Variants in VPS29 observed in about 807,000 individuals in gnomAD.
VPS29 encodes the protein vacuolar protein sorting-associated protein 29.
Under a neutral mutation model 20.0 loss-of-function variants are expected in VPS29, and 2 were observed. The ratio of observed to expected loss-of-function variants is 0.10; its 90% CI spans 0.04 to 0.31. The LOEUF is 0.31. Ranked by LOEUF, VPS29 falls within the 10% of genes least tolerant of loss-of-function variation. VPS29 has a pLI of 1.00. For missense variants in VPS29, 120 were observed against 215.3 expected (o/e 0.56, Z 2.77); for synonymous variants, 81 against 79.3 (o/e 1.02, Z -0.12).
chr12:110,494,453 A>G (rs1030567375), intron 2 of VPS29, among the ~76,000 whole-genome samples: 1 of 151,498 alleles, frequency 6.6e-6, no homozygotes, highest in Non-Finnish European at 1.5e-5. Context: ...ACAGGGGTTC[A>G]CCGTGTTAGC....
chr12:110,499,459 TA>T, intron 1 of VPS29: 2 of 1,599,024 alleles, frequency 1.3e-6, no homozygotes, highest in South Asian at 1.1e-5. Flanking sequence ...CAACAGACCT[TA>T]AAAGGGTAAG....
chr12:110,497,681 A>C (rs975662503), intron 1 of VPS29, among the ~76,000 whole-genome samples: 11 of 151,614 alleles, frequency 7.3e-5, no homozygotes, highest in African/African-American at 2.7e-4. Flanking sequence ...ACTTGAGGTC[A>C]GGAGTTCGAG....
chr12:110,501,102 A>AT, intron 1 of VPS29, among the ~76,000 whole-genome samples: 1 of 152,222 alleles, frequency 6.6e-6, no homozygotes, highest in African/African-American at 2.4e-5. Context: ...CTGAGGCTTG[A>AT]ACCCGGGCGG....
intron 2 of VPS29, among the ~76,000 whole-genome samples, chr12:110,495,417 C>T (rs1413304081): frequency 6.6e-6 from 1 of 152,018 alleles, no homozygotes; most frequent in East Asian, 1.9e-4. Context: ...ATAATAAAAA[C>T]TTTATAAACT....
At position 110,491,795 on chromosome 12, in the gene VPS29, T is replaced by C. The variant is rs2062821000; in HGVS notation, c.*210A>G. ...TGACCAATTACTGTGTTGTGGACATTTTTTCATAGAATCCATATACTGTAA... is the reference window on the plus strand; with the variant it reads ...TGACCAATTACTGTGTTGTGGACATCTTTTCATAGAATCCATATACTGTAA... On this transcript the variant is annotated 3_prime_UTR_variant, in exon 4 of 4. Transcript: ENST00000549578. 2.1e-6 allele frequency: 1 copy of C among 467,296 alleles called. No individual in the cohort carries two copies. Among genetic ancestry groups the C allele is most frequent in the Non-Finnish European group, 3.8e-6 (1 of 266,232 alleles). 28.9% of individuals were successfully genotyped at this position (467,296 alleles called of 1,614,324 possible).
chr12:110,501,870 G>A (rs1417590386), intron 1 of VPS29, 179 bp downstream of exon 1: 3 of 1,451,516 alleles, frequency 2.1e-6, no homozygotes, highest in African/African-American at 2.8e-5. Context: ...CGCACCCAGA[G>A]GTGGCCGCTC....
chr12:110,497,963 A>G (rs2062935271), intron 1 of VPS29, among the ~76,000 whole-genome samples: 1 of 150,962 alleles, frequency 6.6e-6, no homozygotes, highest in Non-Finnish European at 1.5e-5. Context: ...AAAGGACAAC[A>G]GAATCGATTT....
intron 2 of VPS29, 91 bp from the exon 3 acceptor site, chr12:110,493,322 G>T: frequency 1.1e-6 from 1 of 911,692 alleles, no homozygotes; most frequent in South Asian, 2.4e-5. Context: ...ATCTCCTATG[G>T]ATGTTTTGAT....
In VPS29 at chr12:110,491,864, T is replaced by C; in HGVS notation, c.*141A>G. ...GTTTACAGGAAGCTTGGAGCAATTA[T>C]GTATTAACAGAGAAGATGGTATTAT... is the stretch of plus-strand genomic sequence containing the variant. On this transcript the variant is annotated 3_prime_UTR_variant, in exon 4 of 4. Transcript: ENST00000549578. The C allele has an allele frequency of 1.6e-6, 1 of 643,270 alleles. No individual in the cohort carries two copies. Among genetic ancestry groups the C allele is most frequent in the East Asian group, 2.8e-5 (1 of 36,318 alleles). 39.8% of individuals were successfully genotyped at this position (643,270 alleles called of 1,614,324 possible).
chr12:110,494,403 C>T (rs2062867966), intron 2 of VPS29, among the ~76,000 whole-genome samples: 1 of 150,280 alleles, frequency 6.7e-6, no homozygotes, highest in South Asian at 2.1e-4. Flanking sequence ...CAGGCGCCCA[C>T]CACCATGCCC....
intron 1 of VPS29, chr12:110,499,649 AAAAG>A: frequency 1.2e-6 from 1 of 849,380 alleles, no homozygotes; most frequent in Middle Eastern, 2.3e-4. Context: ...CCAAAAAAAA[AAAAG>A]AGAACAAAAA....
At chr12:110,495,316 G>A (rs2062886835) in intron 2 of VPS29, among the ~76,000 whole-genome samples, 1 of 152,160 alleles carries the variant, frequency 6.6e-6, no homozygotes, top group Non-Finnish European at 1.5e-5. Flanking sequence ...TAAACTGGAA[G>A]GAGCAAGGGT....
intron 1 of VPS29, among the ~76,000 whole-genome samples, chr12:110,498,190 T>C (rs1420160302): frequency 6.6e-6 from 1 of 152,044 alleles, no homozygotes; most frequent in African/African-American, 2.4e-5. Context: ...CAGGCTGGTC[T>C]CCAACATCTG....
At chr12:110,493,378 G>A (rs1301396533) in intron 2 of VPS29, 147 bp from the exon 3 acceptor site, 1 of 419,558 alleles carries the variant, frequency 2.4e-6, no homozygotes, top group Non-Finnish European at 3.7e-6. Context: ...TTTTTTTTTT[G>A]AGACAGAGTG....
intron 2 of VPS29, among the ~76,000 whole-genome samples, chr12:110,494,922 G>GT (rs1292584275): frequency 2.0e-5 from 3 of 151,710 alleles, no homozygotes; most frequent in Admixed American, 1.3e-4. Context: ...GGGTTTCACC[G>GT]TATCAGCCAG....
chr12:110,492,904 G>A (rs2062840937), intron 3 of VPS29, 92 bp downstream of exon 3: 2 of 1,175,834 alleles, frequency 1.7e-6, no homozygotes, highest in Admixed American at 2.3e-5. Context: ...ACAGGCATGA[G>A]CCACTGTGCC....
chr12:110,501,300 G>A (rs2063033142), intron 1 of VPS29: 6 of 1,348,382 alleles, frequency 4.4e-6, no homozygotes, highest in Non-Finnish European at 6.1e-6. Context: ...TTGCTTGAAG[G>A]TGGCTGGGGG....
chr12:110,500,752 AT>A (rs60375403), intron 1 of VPS29, among the ~76,000 whole-genome samples: 31,532 of 144,646 alleles, frequency 0.22, 3,378 homozygotes, highest in African/African-American at 0.3. Context: ...CAAACAATTG[AT>A]TTTTTTTTTT....
intron 1 of VPS29, among the ~76,000 whole-genome samples, chr12:110,498,497 A>C (rs2062944064): frequency 6.6e-6 from 1 of 152,206 alleles, no homozygotes; most frequent in African/African-American, 2.4e-5. Flanking sequence ...AAACAAACAA[A>C]ATGTATGAAA....
Sources: allele counts gnomAD v4.1 joint callset (sites outside exome capture counted in the v4.1 genomes callset), GRCh38; gene constraint gnomAD v4.1.1; transcripts MANE v1.5; gene names NCBI Gene and HGNC (gene_info 2026-07-23, HGNC 2026-07-21).